HCN1: variants seen among roughly 807,000 people sequenced by gnomAD.
HCN1 encodes the protein potassium/sodium hyperpolarization-activated cyclic nucleotide-gated channel 1.
Under a neutral mutation model 78.9 loss-of-function variants are expected in HCN1, and 13 were observed. The ratio of observed to expected loss-of-function variants is 0.16; its 90% CI spans 0.11 to 0.26. The LOEUF is 0.26. Among genes scored for constraint, HCN1 ranks in the 10% least tolerant of loss-of-function variants. The pLI is 1.00. For missense variants in HCN1, 810 were observed against 1,154.3 expected, an observed-to-expected ratio of 0.70 and a Z score of 4.32; for synonymous variants, 552 against 455.5, an observed-to-expected ratio of 1.21 and a Z score of -2.70.
At chr5:45,543,499 G>A (rs1425654713) in intron 2 of HCN1, among the ~76,000 whole-genome samples, 13 of 151,860 alleles carry the variant, frequency 8.6e-5, no homozygotes, top group Admixed American at 2.0e-4. Context: ...CTTATACCTT[G>A]AAACCCATAA....
intron 6 of HCN1, among the ~76,000 whole-genome samples, chr5:45,280,521 T>C (rs1745135784): frequency 6.6e-6 from 1 of 152,202 alleles, no homozygotes; most frequent in Non-Finnish European, 1.5e-5. Context: ...GTAAAATGTT[T>C]AGCTTCATCT....
intron 2 of HCN1, among the ~76,000 whole-genome samples, chr5:45,618,833 TA>T (rs933555684): frequency 3.1e-4 from 46 of 149,728 alleles, no homozygotes; most frequent in African/African-American, 5.4e-4. Context: ...AAAAATAAAA[TA>T]AAAAAAAAGG....
At chr5:45,567,795 G>A (rs1018900620) in intron 2 of HCN1, among the ~76,000 whole-genome samples, 1 of 151,756 alleles carries the variant, frequency 6.6e-6, no homozygotes, top group African/African-American at 2.4e-5. Flanking sequence ...ACTGTCCCTG[G>A]AAAGTTTTTA....
chr5:45,446,717 A>G (rs1740805825), intron 3 of HCN1, among the ~76,000 whole-genome samples: 1 of 152,196 alleles, frequency 6.6e-6, no homozygotes, highest in Admixed American at 6.5e-5. Context: ...GTCAGAAGAG[A>G]GTGGGGGCCA....
intron 5 of HCN1, among the ~76,000 whole-genome samples, chr5:45,332,295 G>C (rs1224033789): frequency 4.0e-5 from 6 of 151,280 alleles, no homozygotes; most frequent in Admixed American, 2.0e-4. Flanking sequence ...ATGGAAAGTT[G>C]GGTATCCATC....
chr5:45,627,434 C>A (rs1206581086), intron 2 of HCN1, among the ~76,000 whole-genome samples: 1 of 152,096 alleles, frequency 6.6e-6, no homozygotes, highest in Non-Finnish European at 1.5e-5. Context: ...TATACTGAGC[C>A]ATCACTCCAA....
intron 3 of HCN1, among the ~76,000 whole-genome samples, chr5:45,452,691 G>A (rs1740949005): frequency 6.6e-6 from 1 of 151,794 alleles, no homozygotes; most frequent in East Asian, 1.9e-4. Flanking sequence ...TATATTTTAA[G>A]ATCTCATTTA....
At chr5:45,470,523 G>T (rs1370927987) in intron 2 of HCN1, among the ~76,000 whole-genome samples, 1 of 151,680 alleles carries the variant, frequency 6.6e-6, no homozygotes, top group African/African-American at 2.4e-5. Flanking sequence ...TTCACTAGTT[G>T]GACACCTTCC....
rs1356626525 is a variant in HCN1, at chr5:45,345,795, CG to C, written c.1377+7304del. On this transcript the variant is annotated intron_variant, in intron 5 of 7. Transcript: ENST00000303230. Reference sequence around the variant, plus strand: ...ACTCTCTTCTTCTGAACCCTCCAAACGGTTTCAATCTCTGCCTGTTACCCAG... The same window carrying C: ...ACTCTCTTCTTCTGAACCCTCCAAACGTTTCAATCTCTGCCTGTTACCCAG... Among the ~76,000 whole-genome samples, 16 of 152,188 alleles carry C rather than the reference CG, an allele frequency of 1.1e-4. 1 individual carries two copies. The highest frequency in any genetic ancestry group is 1.0e-3 in the Admixed American group (16 of 15,278).
chr5:45,525,271 T>A (rs1742712157), intron 2 of HCN1, among the ~76,000 whole-genome samples: 1 of 151,972 alleles, frequency 6.6e-6, no homozygotes, highest in African/African-American at 2.4e-5. Flanking sequence ...ACACTTAGTA[T>A]CCTAATTTTA....
chr5:45,297,125 C>T (rs1745512380), intron 6 of HCN1, among the ~76,000 whole-genome samples: 1 of 152,028 alleles, frequency 6.6e-6, no homozygotes, highest in African/African-American at 2.4e-5. Context: ...CTGTCATTAG[C>T]ATTGTTTCTA....
At chr5:45,422,008 T>C (rs1025037993) in intron 3 of HCN1, among the ~76,000 whole-genome samples, 1 of 152,238 alleles carries the variant, frequency 6.6e-6, no homozygotes. Context: ...CTTTTCCCAC[T>C]TTCTGTGTGA....
intron 5 of HCN1, among the ~76,000 whole-genome samples, chr5:45,324,110 G>T (rs963457873): frequency 6.6e-6 from 1 of 151,760 alleles, no homozygotes; most frequent in Non-Finnish European, 1.5e-5. Context: ...GGTATTTCTA[G>T]TTCTAGATCC....
chr5:45,263,210 G>A (rs773678831), intron 7 of HCN1, among the ~76,000 whole-genome samples: 3 of 152,084 alleles, frequency 2.0e-5, no homozygotes, highest in Admixed American at 6.6e-5. Context: ...ATTTGAACAC[G>A]TACTATGTGA....
At chr5:45,341,924 T>A (rs1486322917) in intron 5 of HCN1, among the ~76,000 whole-genome samples, 2 of 152,194 alleles carry the variant, frequency 1.3e-5, no homozygotes, top group Non-Finnish European at 2.9e-5. Context: ...TGGGAGATCA[T>A]TAGGCATCTA....
chr5:45,376,236 C>CTATATATATATATATAGAATATATATA (rs1321997607), intron 4 of HCN1, among the ~76,000 whole-genome samples: 1 of 27,952 alleles, frequency 3.6e-5, no homozygotes, highest in African/African-American at 1.4e-4. Flanking sequence ...AATATATATT[C>CTATATATATATATATAGAATATATATA]TATATATTCT....
rs1391288577 is a variant in HCN1, at chr5:45,256,040, C to T, written c.*5881G>A. On this transcript the variant is annotated 3_prime_UTR_variant, in exon 8 of 8. Coordinates refer to ENST00000303230, the MANE Select transcript of HCN1 (RefSeq NM_021072.4). ...TTCAATTGAATGAATCAATAGTATT[C>T]TCTGCTCATATGGTATTACTGAAAC... The T allele has an allele frequency of 6.6e-6, 1 of 152,078 alleles. No individual in the cohort carries two copies. Among genetic ancestry groups the T allele is most frequent in the African/African-American group, 2.4e-5 (1 of 41,396 alleles). The allele number at this position is 152,078 out of a possible 1,614,324, so 9.4% of individuals were successfully genotyped here.
intron 2 of HCN1, among the ~76,000 whole-genome samples, chr5:45,610,010 G>A (rs1263043158): frequency 6.6e-6 from 1 of 152,156 alleles, no homozygotes; most frequent in East Asian, 1.9e-4. Context: ...TCTTGTGTAT[G>A]ATGCTAATAG....
chr5:45,414,536 A>T (rs1412218749), intron 3 of HCN1, among the ~76,000 whole-genome samples: 2 of 151,980 alleles, frequency 1.3e-5, no homozygotes, highest in African/African-American at 4.8e-5. Context: ...TGAGTTTAGT[A>T]TCACTTGATT....
Sources: gnomAD v4.1 joint callset for allele counts (sites outside exome capture counted in the v4.1 genomes callset) on GRCh38, gnomAD v4.1.1 for gene constraint, MANE v1.5 for transcripts, NCBI Gene and HGNC (gene_info 2026-07-23, HGNC 2026-07-21) for gene names.